ASIC2: variants seen among roughly 807,000 people sequenced by gnomAD.
The protein encoded by ASIC2 is acid sensing ion channel subunit 2.
In ASIC2, 25 loss-of-function variants were observed where a neutral mutation model predicts 57.3. The ratio of observed to expected loss-of-function variants is 0.44; its 90% CI spans 0.32 to 0.61. ASIC2 has a LOEUF of 0.61. Among genes scored for constraint, ASIC2 ranks in the 20% least tolerant of loss-of-function variants. The pLI, the probability that ASIC2 is intolerant of heterozygous loss-of-function variation, is 0.06. For missense variants in ASIC2, 641 were observed against 738.1 expected (o/e 0.87, Z 1.52); for synonymous variants, 319 against 307.5 (o/e 1.04, Z -0.39).
At chr17:33,194,632 C>T (rs1361005781) in intron 1 of ASIC2, among the ~76,000 whole-genome samples, 1 of 151,562 alleles carries the variant, frequency 6.6e-6, no homozygotes, top group African/African-American at 2.4e-5. Flanking sequence ...GAAGCCATTA[C>T]ATTTCCAGAT....
At chr17:33,949,784 A>T (rs1341460709) in intron 1 of ASIC2, among the ~76,000 whole-genome samples, 2 of 152,214 alleles carry the variant, frequency 1.3e-5, no homozygotes, top group African/African-American at 4.8e-5. Flanking sequence ...TGGAAGAGAT[A>T]GTCATAGAAA....
chr17:33,045,416 C>T (rs955940575), intron 3 of ASIC2, among the ~76,000 whole-genome samples: 2 of 152,148 alleles, frequency 1.3e-5, no homozygotes, highest in African/African-American at 2.4e-5. Context: ...AAATTGCCTC[C>T]GTGTATGATT....
chr17:33,965,896 A>C (rs1905060017), intron 1 of ASIC2, among the ~76,000 whole-genome samples: 1 of 152,190 alleles, frequency 6.6e-6, no homozygotes, highest in Non-Finnish European at 1.5e-5. Context: ...GACTAGCCCA[A>C]GGGGAGCAGT....
At chr17:34,113,191 A>G (rs1427898913) in intron 1 of ASIC2, among the ~76,000 whole-genome samples, 1 of 152,192 alleles carries the variant, frequency 6.6e-6, no homozygotes, top group African/African-American at 2.4e-5. Flanking sequence ...CTTTGCTTCC[A>G]GACATTGCCC....
intron 1 of ASIC2, among the ~76,000 whole-genome samples, chr17:33,236,364 G>A (rs1465403190): frequency 1.3e-5 from 2 of 151,378 alleles, no homozygotes; most frequent in Non-Finnish European, 2.9e-5. Flanking sequence ...ATTTTTTTTG[G>A]AATAGCATCT....
intron 1 of ASIC2, chr17:33,581,338 G>C (rs1904433799): frequency 6.6e-6 from 1 of 152,232 alleles, no homozygotes; most frequent in Admixed American, 6.5e-5. Context: ...CCAACACCCT[G>C]AGTGATCCGG....
At chr17:33,662,486 T>TG (rs35180488) in intron 1 of ASIC2, among the ~76,000 whole-genome samples, 54,300 of 150,092 alleles carry the variant, frequency 0.36, 10,361 homozygotes, top group African/African-American at 0.5. Context: ...CCAGGTGTGG[T>TG]GGGGGGGGCA....
At chr17:33,480,884 C>T (rs1189294951) in intron 1 of ASIC2, among the ~76,000 whole-genome samples, 1 of 152,158 alleles carries the variant, frequency 6.6e-6, no homozygotes, top group Non-Finnish European at 1.5e-5. Flanking sequence ...CCTTCTCTTC[C>T]ACTGCAACCA....
chr17:34,084,510 G>C (rs968034721), intron 1 of ASIC2, among the ~76,000 whole-genome samples: 3 of 152,210 alleles, frequency 2.0e-5, no homozygotes, highest in Admixed American at 2.0e-4. Flanking sequence ...GCTTAGGATT[G>C]ACTTGGTGGT....
At chr17:34,128,779 G>A (rs1163669967) in intron 1 of ASIC2, among the ~76,000 whole-genome samples, 1 of 152,146 alleles carries the variant, frequency 6.6e-6, no homozygotes, top group African/African-American at 2.4e-5. Flanking sequence ...TGGGGCTGGA[G>A]GAAGAATGAG....
intron 1 of ASIC2, among the ~76,000 whole-genome samples, chr17:33,622,331 TAG>T (rs2142021780): frequency 6.6e-6 from 1 of 152,228 alleles, no homozygotes. Flanking sequence ...CTGTCGGGAC[TAG>T]GCTTTAGGAT....
chr17:33,932,741 A>AAAAAAAAAATATATATATATAT (rs1555572867), intron 1 of ASIC2: 2 of 58,716 alleles, frequency 3.4e-5, no homozygotes, highest in Non-Finnish European at 6.2e-5. Context: ...AAAAAAAAAA[A>AAAAAAAAAATATATATATATAT]ATATATATAT....
intron 1 of ASIC2, among the ~76,000 whole-genome samples, chr17:33,387,563 G>A (rs957202779): frequency 2.0e-5 from 3 of 152,194 alleles, no homozygotes; most frequent in Non-Finnish European, 2.9e-5. Flanking sequence ...AATTCTGCGC[G>A]CCTGCGCCAC....
chr17:33,835,928 G>A (rs1212508049), intron 1 of ASIC2, among the ~76,000 whole-genome samples: 1 of 150,590 alleles, frequency 6.6e-6, no homozygotes, highest in Non-Finnish European at 1.5e-5. Context: ...GATTACAGGT[G>A]CAAGTCACTG....
chr17:34,131,348 T>C (rs1235513690), intron 1 of ASIC2, among the ~76,000 whole-genome samples: 1 of 152,158 alleles, frequency 6.6e-6, no homozygotes, highest in Non-Finnish European at 1.5e-5. Context: ...ATAACCATTC[T>C]GAGTAGGCCA....
At chr17:33,187,933 A>G (rs554376051) in intron 1 of ASIC2, among the ~76,000 whole-genome samples, 18 of 151,634 alleles carry the variant, frequency 1.2e-4, no homozygotes, top group African/African-American at 4.3e-4. Context: ...AAAAGAAAAA[A>G]GAAAAAAAAG....
At chr17:34,090,974 G>A (rs556768862) in intron 1 of ASIC2, among the ~76,000 whole-genome samples, 2 of 152,296 alleles carry the variant, frequency 1.3e-5, no homozygotes, top group Admixed American at 1.3e-4. Flanking sequence ...ACTGGACTAG[G>A]GCCAGAAGCT....
At chr17:33,557,295 C>T (rs1000569190) in intron 1 of ASIC2, among the ~76,000 whole-genome samples, 1 of 152,130 alleles carries the variant, frequency 6.6e-6, no homozygotes. Flanking sequence ...TGCCCTTAAT[C>T]TCAGAAATTG....
intron 1 of ASIC2, among the ~76,000 whole-genome samples, chr17:33,486,225 T>C (rs755932469): frequency 6.6e-6 from 1 of 152,216 alleles, no homozygotes; most frequent in African/African-American, 2.4e-5. Flanking sequence ...ACGGGTAGTG[T>C]TTTCATGGCT....
Sources: allele counts gnomAD v4.1 joint callset (sites outside exome capture counted in the v4.1 genomes callset), GRCh38; gene constraint gnomAD v4.1.1; transcripts MANE v1.5; gene names NCBI Gene and HGNC (gene_info 2026-07-23, HGNC 2026-07-21).